The following MYO1F variants were observed in gnomAD, a reference collection of about 807,000 sequenced individuals.
MYO1F encodes the protein unconventional myosin-If.
MYO1F carries 60 observed loss-of-function variants against 146.6 expected under a neutral mutation model. The ratio of observed to expected loss-of-function variants is 0.41; its 90% confidence interval spans 0.33 to 0.51. The LOEUF (loss-of-function observed/expected upper bound fraction) is 0.51, where lower values mean the gene tolerates loss of function less well. Ranked by LOEUF, MYO1F falls within the 20% of genes least tolerant of loss-of-function variation. The probability of loss-of-function intolerance (pLI) is 0.25; values close to 1 mark genes in which losing one functional copy is unlikely to be tolerated. For synonymous variants in MYO1F, 602 were observed against 602.1 expected (o/e 1.00, Z 0.00); for missense variants, 1,274 against 1,534.3 (o/e 0.83, Z 2.83).
chr19:8,522,178 A>G (rs929152799), intron 27 of MYO1F, among the ~76,000 whole-genome samples, 199 bp downstream of exon 27: 2 of 151,774 alleles, frequency 1.3e-5, no homozygotes, highest in East Asian at 1.9e-4. Flanking sequence ...GCCCGCCACC[A>G]CGCCCGGCTA....
intron 1 of MYO1F, among the ~76,000 whole-genome samples, chr19:8,558,717 G>C (rs1202637622): frequency 6.6e-6 from 1 of 152,064 alleles, no homozygotes; most frequent in Non-Finnish European, 1.5e-5. Context: ...CAGATAAGAT[G>C]TCTCTCCTCC....
intron 4 of MYO1F, among the ~76,000 whole-genome samples, chr19:8,553,870 A>T (rs370279887): frequency 5.7e-4 from 63 of 110,690 alleles, no homozygotes; most frequent in Admixed American, 9.0e-5. Flanking sequence ...AGACTCTGTC[A>T]CACACACACA....
Position 8,525,421 on chromosome 19 carries a change from C to T in MYO1F, c.2854+58G>A. ...TAGATTTCGTTTGCTGAAGGTCTGG[C>T]TTAGGCCATGGGACCCACAACAGAC... is the stretch of plus-strand genomic sequence containing the variant. On this transcript the variant is annotated intron_variant, in intron 25 of 27. Transcript: ENST00000644032. 3 of 1,471,330 alleles carry T rather than the reference C, an allele frequency of 2.0e-6. No homozygotes were observed. The South Asian group carries it at 3.4e-5, about 17-fold the overall frequency. The allele number at this position is 1,471,330 out of a possible 1,614,324, so 91.1% of individuals were successfully genotyped here. A position where few individuals can be genotyped will look rare whatever the true frequency, so the allele number is the denominator to read the frequency against.
rs181578359 is a variant in MYO1F at position 8,553,935 on chromosome 19, C to G, written c.327-498G>C. On this transcript the variant is annotated intron_variant, in intron 4 of 27. Transcript: ENST00000644032. ...TCTCTCTCTCTCTCGCTCTCTTTCTCTCTCTCTGCTCTCATAGAGCTGGCA... is the reference window on the plus strand; with the variant it reads ...TCTCTCTCTCTCTCGCTCTCTTTCTGTCTCTCTGCTCTCATAGAGCTGGCA... Among the ~76,000 whole-genome samples, 398 of 151,696 alleles carry G rather than the reference C, an allele frequency of 2.6e-3. 2 individuals carry two copies. Among genetic ancestry groups the G allele is most frequent in the African/African-American group, 9.3e-3 (384 of 41,342 alleles).
intron 19 of MYO1F, among the ~76,000 whole-genome samples, chr19:8,533,129 C>CACTGCAAGCTCCGTCT (rs1489684525): frequency 6.6e-6 from 1 of 151,780 alleles, no homozygotes; most frequent in African/African-American, 2.4e-5. Context: ...GATCTCGGCT[C>CACTGCAAGCTCCGTCT]CCGGGCTCAA....
intron 1 of MYO1F, among the ~76,000 whole-genome samples, chr19:8,562,237 G>A (rs564738098): frequency 3.1e-4 from 47 of 151,464 alleles, no homozygotes; most frequent in African/African-American, 1.0e-3. Context: ...TCCTGACCTC[G>A]TTACCCGCCC....
chr19:8,548,767 A>G (rs1005797261), intron 10 of MYO1F, among the ~76,000 whole-genome samples: 5 of 143,870 alleles, frequency 3.5e-5, no homozygotes, highest in Non-Finnish European at 7.6e-5. Context: ...CGCCCGGCTA[A>G]TTTTTTGTAT....
At chr19:8,569,627 G>A (rs1342530862) in intron 1 of MYO1F, among the ~76,000 whole-genome samples, 2 of 152,148 alleles carry the variant, frequency 1.3e-5, no homozygotes, top group African/African-American at 4.8e-5. Context: ...CCCAAGTGGT[G>A]TCTCAGTTGC....
At chr19:8,523,987 C>T (rs1490243877) in intron 25 of MYO1F, among the ~76,000 whole-genome samples, 1 of 151,452 alleles carries the variant, frequency 6.6e-6, no homozygotes, top group Non-Finnish European at 1.5e-5. Flanking sequence ...GGCATGATGG[C>T]GTGTGCCTGT....
intron 19 of MYO1F, among the ~76,000 whole-genome samples, chr19:8,532,901 A>ATACACACACACACAC (rs1555720422): frequency 3.3e-4 from 16 of 47,842 alleles, no homozygotes; most frequent in African/African-American, 1.7e-3. Context: ...AAAAAAAAAA[A>ATACACACACACACAC]ATACACACAC....
At chr19:8,540,782 ATT>A (rs1230727437) in intron 15 of MYO1F, among the ~76,000 whole-genome samples, 1 of 151,426 alleles carries the variant, frequency 6.6e-6, no homozygotes, top group Non-Finnish European at 1.5e-5. Context: ...AACGTCATGG[ATT>A]GAGACACTGC....
intron 19 of MYO1F, 85 bp downstream of exon 19, chr19:8,536,165 CTG>C: frequency 7.0e-7 from 1 of 1,421,076 alleles, no homozygotes; most frequent in Non-Finnish European, 9.6e-7. Context: ...CTGTCTCCCT[CTG>C]TCTCTCTCTC....
intron 2 of MYO1F, chr19:8,555,458 A>G: frequency 1.9e-6 from 1 of 538,734 alleles, no homozygotes; most frequent in Non-Finnish European, 3.3e-6. Context: ...GCTGGGGCTG[A>G]GCTTCCCCAG....
chr19:8,560,103 C>T (rs1024988081), intron 1 of MYO1F, among the ~76,000 whole-genome samples: 38 of 152,128 alleles, frequency 2.5e-4, no homozygotes, highest in African/African-American at 8.9e-4. Flanking sequence ...TGGAGAAGTA[C>T]AGCAGCTTCC....
intron 16 of MYO1F, among the ~76,000 whole-genome samples, chr19:8,537,372 C>A (rs2145857246): frequency 6.6e-6 from 1 of 152,152 alleles, no homozygotes; most frequent in Middle Eastern, 3.4e-3. Flanking sequence ...GTAACAGAGC[C>A]CTTATGAGAG....
chr19:8,560,284 A>G (rs1375562184), intron 1 of MYO1F, among the ~76,000 whole-genome samples: 2 of 151,858 alleles, frequency 1.3e-5, no homozygotes, highest in Non-Finnish European at 2.9e-5. Context: ...GGAGATCGAG[A>G]CCATCCTGGC....
chr19:8,544,454 C>T lies in MYO1F; in HGVS notation c.1367G>A (p.Gly456Asp). 1 of 1,610,380 alleles carries T rather than the reference C, an allele frequency of 6.2e-7. No individual in the cohort carries two copies. The highest frequency in any genetic ancestry group is 8.5e-7 in the Non-Finnish European group (1 of 1,179,694). The change falls in exon 14 of 28, where the codon GGC becomes GAC. Residue 456 changes from glycine to aspartate, a missense_variant. Physicochemically the swap from Gly to Asp is moderately conservative, Grantham distance 94. Coordinates refer to ENST00000644032, the MANE Select transcript of MYO1F (RefSeq NM_012335.4). Reference protein sequence around the residue: ...DLIENKLSPPGIMSVLDDVCA... With the variant: ...DLIENKLSPPDIMSVLDDVCA... Reference sequence around the variant, plus strand: ...CACGTCGTCCAAGACGCTCATGATGCCTGGGGGGCTCTGCGGGGCGAGCGG... The same window carrying T: ...CACGTCGTCCAAGACGCTCATGATGTCTGGGGGGCTCTGCGGGGCGAGCGG...
rs1568349486 is a variant in MYO1F at position 8,543,861 on chromosome 19, GTGGTGC to G, written c.1524+430_1524+435del. On this transcript the variant is annotated intron_variant, in intron 14 of 27. Coordinates refer to ENST00000644032, the MANE Select transcript of MYO1F (RefSeq NM_012335.4). ...GGTGGTGGTGGTGGTGGTGGTGCTGGTGGTGCTGGTGGTGCTGGTGGTGGTGGTGGT... is the reference window on the plus strand; with the variant it reads ...GGTGGTGGTGGTGGTGGTGGTGCTGGTGGTGGTGCTGGTGGTGGTGGTGGT... Among the ~76,000 whole-genome samples the G allele has an allele frequency of 5.1e-5, 3 of 59,036 alleles. 1 individual carries two copies. In the Admixed American group the frequency reaches 5.3e-4, roughly 11 times the overall value. The allele number at this position is 59,036 out of a possible 152,430, so 38.7% of individuals were successfully genotyped here.
chr19:8,523,531 A>C (rs1972147460), intron 25 of MYO1F, among the ~76,000 whole-genome samples: 1 of 151,686 alleles, frequency 6.6e-6, no homozygotes, highest in Admixed American at 6.6e-5. Flanking sequence ...TAATTTTTAA[A>C]GTAGAGATGG....
Sources: allele counts gnomAD v4.1 joint callset (sites outside exome capture counted in the v4.1 genomes callset), GRCh38; gene constraint gnomAD v4.1.1; transcripts MANE v1.5; gene names NCBI Gene and HGNC (gene_info 2026-07-23, HGNC 2026-07-21).